Variants in LRRC8C observed in about 807,000 individuals in gnomAD.
The protein encoded by LRRC8C is volume-regulated anion channel subunit LRRC8C.
LRRC8C carries 20 observed loss-of-function variants against 55.3 expected under a neutral mutation model. That is an observed-to-expected ratio of 0.36 (90% CI 0.25 to 0.53). LRRC8C has a LOEUF of 0.53. Among genes scored for constraint, LRRC8C ranks in the 20% least tolerant of loss-of-function variants. The pLI, the probability that LRRC8C is intolerant of heterozygous loss-of-function variation, is 0.92. For synonymous variants in LRRC8C, 376 were observed against 360.7 expected, an observed-to-expected ratio of 1.04 and a Z score of -0.48; for missense variants, 659 against 951.4, an observed-to-expected ratio of 0.69 and a Z score of 4.04.
chr1:89,686,719 C>A, intron 2 of LRRC8C, 108 bp downstream of exon 2: 1 of 1,225,532 alleles, frequency 8.2e-7, no homozygotes, highest in Non-Finnish European at 1.1e-6. Flanking sequence ...GTATTAGTCA[C>A]TGTTCTCTGT....
Position 89,671,210 on chromosome 1 carries a change from T to C in LRRC8C, c.-4-15260T>C, listed in dbSNP as rs115328684. 6.6e-3 allele frequency among the ~76,000 whole-genome samples: 1,003 copies of C among 152,238 alleles called. 8 individuals are homozygous for C. Among genetic ancestry groups the C allele is most frequent in the African/African-American group, 0.023 (970 of 41,530 alleles). ...ACCCCAGTAGTCACATATTCTACTA[T>C]AGCTTTTTATTTATCTTCTATCCCC... On this transcript the variant is annotated intron_variant, in intron 1 of 2. Transcript: ENST00000370454.
intron 2 of LRRC8C, among the ~76,000 whole-genome samples, chr1:89,698,776 A>C (rs1658239352): frequency 6.6e-6 from 1 of 152,124 alleles, no homozygotes; most frequent in Non-Finnish European, 1.5e-5. Context: ...GAAATAGGCA[A>C]CTAATAAAAA....
chr1:89,672,586 T>C (rs1657452567), intron 1 of LRRC8C, among the ~76,000 whole-genome samples: 2 of 152,202 alleles, frequency 1.3e-5, no homozygotes, highest in African/African-American at 2.4e-5. Flanking sequence ...GCTATCTCCA[T>C]TGATAATCTA....
intron 1 of LRRC8C, among the ~76,000 whole-genome samples, chr1:89,668,914 G>C (rs139806855): frequency 1.8e-3 from 271 of 152,136 alleles, no homozygotes; most frequent in Non-Finnish European, 3.1e-3. Flanking sequence ...TGTTTCTTCT[G>C]TTTTTATAAA....
At chr1:89,620,227 T>C in the LRRC8C span, among the ~76,000 whole-genome samples, 1 of 152,104 alleles carries the variant, frequency 6.6e-6, no homozygotes, top group Non-Finnish European at 1.5e-5. Context: ...ATGCTGGAAA[T>C]CTCATAGCCT....
chr1:89,641,594 G>A (rs1045916388), intron 1 of LRRC8C, among the ~76,000 whole-genome samples: 1 of 151,960 alleles, frequency 6.6e-6, no homozygotes, highest in Non-Finnish European at 1.5e-5. Flanking sequence ...GACAGTCTTT[G>A]CAGGTCTGTC....
Position 89,716,158 on chromosome 1 carries a change from A to G in LRRC8C, c.*1176A>G, listed in dbSNP as rs1048356941. 1 of 152,156 alleles carries G rather than the reference A, an allele frequency of 6.6e-6. No homozygotes were observed. The highest frequency in any genetic ancestry group is 1.5e-5 in the Non-Finnish European group (1 of 68,026). The allele number at this position is 152,156 out of a possible 1,614,324, so 9.4% of individuals were successfully genotyped here. A position where few individuals can be genotyped will look rare whatever the true frequency, so the allele number is the denominator to read the frequency against. The stretch of plus-strand genomic sequence containing the variant: ...TAACAACTATTTAAATAGGATTTAC[A>G]TTGTTTTAGGTATTATAAATTACCT... On this transcript the variant is annotated 3_prime_UTR_variant, in exon 3 of 3. Transcript: ENST00000370454.
chr1:89,702,893 A>G (rs533417544), intron 2 of LRRC8C, among the ~76,000 whole-genome samples: 1 of 152,354 alleles, frequency 6.6e-6, no homozygotes, highest in East Asian at 1.9e-4. Context: ...TCAGTAGCAT[A>G]AAGAAGTAAT....
Position 89,670,115 on chromosome 1 carries a change from G to A in LRRC8C, c.-4-16355G>A, listed in dbSNP as rs542661024. 1.2e-4 allele frequency among the ~76,000 whole-genome samples: 19 copies of A among 152,156 alleles called. No individual in the cohort carries two copies. The East Asian group carries it at 1.9e-3, about 15-fold the overall frequency. On this transcript the variant is annotated intron_variant, in intron 1 of 2. Coordinates refer to ENST00000370454, the MANE Select transcript of LRRC8C (RefSeq NM_032270.5). ...CCATTCCCCTTATTTAATTCTGTGA[G>A]TCAAAGAAAAGAAAGGTCCAGAATA...
chr1:89,666,237 C>T (rs1657259266), intron 1 of LRRC8C, among the ~76,000 whole-genome samples: 1 of 152,064 alleles, frequency 6.6e-6, no homozygotes, highest in Admixed American at 6.6e-5. Flanking sequence ...TTACCTTATT[C>T]CATGGTAGGT....
chr1:89,654,335 G>A (rs933077894), intron 1 of LRRC8C, among the ~76,000 whole-genome samples: 1 of 152,102 alleles, frequency 6.6e-6, no homozygotes, highest in African/African-American at 2.4e-5. Context: ...TTCAGGTGAT[G>A]GTTACACTAA....
At chr1:89,648,538 C>T (rs1656675503) in intron 1 of LRRC8C, among the ~76,000 whole-genome samples, 1 of 152,102 alleles carries the variant, frequency 6.6e-6, no homozygotes, top group Non-Finnish European at 1.5e-5. Context: ...ACAGGGTGAA[C>T]CAAAACACAT....
chr1:89,636,789 A>G (rs974729014), intron 1 of LRRC8C, among the ~76,000 whole-genome samples: 3 of 152,212 alleles, frequency 2.0e-5, no homozygotes, highest in African/African-American at 7.2e-5. Flanking sequence ...GATTACAGGC[A>G]TGAGGCACAG....
Position 89,642,174 on chromosome 1 carries a change from A to G in LRRC8C, c.-5+8852A>G, listed in dbSNP as rs193069775. Among the ~76,000 whole-genome samples the G allele has an allele frequency of 3.3e-3, 500 of 152,342 alleles. 2 individuals are homozygous for G. Among genetic ancestry groups the G allele is most frequent in the Non-Finnish European group, 5.3e-3 (359 of 68,034 alleles). ...TGCCTCTAGTACTTGTAACTGTGGT[A>G]ACCCTATTTTCTTGAGGACGCTTTT... On this transcript the variant is annotated intron_variant, in intron 1 of 2. Transcript: ENST00000370454.
chr1:89,651,241 A>T (rs1656766645), intron 1 of LRRC8C, among the ~76,000 whole-genome samples: 1 of 152,090 alleles, frequency 6.6e-6, no homozygotes, highest in African/African-American at 2.4e-5. Context: ...TGGCTTTTCT[A>T]TTTTTAAAGG....
chr1:89,718,503 G>A lies in LRRC8C; in HGVS notation c.*3521G>A, dbSNP rs555644013. ...CTCTTATTAACACTTCCCCCAAGAAGGGTTGTGCTGTTATTTATTTTCTAT... is the reference window on the plus strand; with the variant it reads ...CTCTTATTAACACTTCCCCCAAGAAAGGTTGTGCTGTTATTTATTTTCTAT... On this transcript the variant is annotated 3_prime_UTR_variant, in exon 3 of 3. Coordinates refer to ENST00000370454, the MANE Select transcript of LRRC8C (RefSeq NM_032270.5). 3 of 152,178 alleles carry A rather than the reference G, an allele frequency of 2.0e-5. No individual in the cohort carries two copies. The highest frequency in any genetic ancestry group is 3.9e-4 in the East Asian group (2 of 5,190). The allele number at this position is 152,178 out of a possible 1,614,324, so 9.4% of individuals were successfully genotyped here. A position where few individuals can be genotyped will look rare whatever the true frequency, so the allele number is the denominator to read the frequency against.
At chr1:89,691,523 T>G (rs956828910) in intron 2 of LRRC8C, among the ~76,000 whole-genome samples, 2 of 152,220 alleles carry the variant, frequency 1.3e-5, no homozygotes, top group African/African-American at 4.8e-5. Flanking sequence ...TTATCCAGAA[T>G]GCTAATAGCA....
At chr1:89,692,013 T>C (rs565024793) in intron 2 of LRRC8C, among the ~76,000 whole-genome samples, 9 of 152,216 alleles carry the variant, frequency 5.9e-5, no homozygotes, top group African/African-American at 1.9e-4. Context: ...ATTATCAAAG[T>C]AAAACTACCT....
At chr1:89,692,922 T>C (rs1658063702) in intron 2 of LRRC8C, among the ~76,000 whole-genome samples, 1 of 152,206 alleles carries the variant, frequency 6.6e-6, no homozygotes, top group Admixed American at 6.5e-5. Context: ...TATCTTATTA[T>C]GACCAAATCC....
Sources: allele counts gnomAD v4.1 joint callset (sites outside exome capture counted in the v4.1 genomes callset), GRCh38; gene constraint gnomAD v4.1.1; transcripts MANE v1.5; gene names NCBI Gene and HGNC (gene_info 2026-07-23, HGNC 2026-07-21).